The following LARP1B variants were observed in gnomAD, a reference collection of about 807,000 sequenced individuals.
LARP1B encodes the protein la-related protein 1B.
LARP1B carries 76 observed loss-of-function variants against 114.2 expected under a neutral mutation model. The observed-to-expected ratio is 0.67, with a 90% confidence interval of 0.55 to 0.81. LARP1B has a LOEUF of 0.81. LARP1B is among the 30% of genes least tolerant of loss of function. The probability of loss-of-function intolerance (pLI) is 0.00; values close to 1 mark genes in which losing one functional copy is unlikely to be tolerated. For missense variants in LARP1B, 1,014 were observed against 1,075.8 expected (o/e 0.94, Z 0.80); for synonymous variants, 345 against 348.0 (o/e 0.99, Z 0.10).
intron 11 of LARP1B, among the ~76,000 whole-genome samples, chr4:128,151,796 G>A (rs1240972305): frequency 6.6e-6 from 1 of 152,074 alleles, no homozygotes; most frequent in East Asian, 1.9e-4. Flanking sequence ...TAGAGACAAG[G>A]TTTCACCATG....
At position 128,176,500 on chromosome 4, in the gene LARP1B, G is replaced by C. The variant is rs529551900; in HGVS notation, c.1649-372G>C. Among the ~76,000 whole-genome samples the C allele has an allele frequency of 9.2e-5, 14 of 151,820 alleles. No individual in the cohort carries two copies. The East Asian group carries it at 2.7e-3, about 29-fold the overall frequency. On this transcript the variant is annotated intron_variant, in intron 12 of 19. Transcript: ENST00000326639. Reference sequence around the variant, plus strand: ...GTAGAGATGGGGTTTCACCACATTGGACAGGCTGGTCTCGAGCTGCTGACC... The same window carrying C: ...GTAGAGATGGGGTTTCACCACATTGCACAGGCTGGTCTCGAGCTGCTGACC...
Position 128,121,889 on chromosome 4 carries a change from G to A in LARP1B, c.1225G>A (p.Glu409Lys). Residue 409 changes from glutamate to lysine, a missense_variant, in exon 11 of 20, where the codon GAA (glutamate) becomes AAA (lysine). Coordinates refer to ENST00000326639, the MANE Select transcript of LARP1B (RefSeq NM_018078.4). ...ATGTTCTTCAGAAGAACCAGAACAA[G>A]AAGAACTTGATTTTTTGTTTGATGA... is the stretch of plus-strand genomic sequence containing the variant. Reference protein sequence around the residue: ...QLCSSEEPEQEELDFLFDEEI... With the variant: ...QLCSSEEPEQKELDFLFDEEI... 6.2e-7 allele frequency: 1 copy of A among 1,612,354 alleles called. No homozygotes were observed. The highest frequency in any genetic ancestry group is 1.1e-5 in the South Asian group (1 of 90,842).
chr4:128,083,143 AG>A, intron 5 of LARP1B, among the ~76,000 whole-genome samples: 1 of 152,240 alleles, frequency 6.6e-6, no homozygotes, highest in Admixed American at 6.5e-5. Flanking sequence ...GTAAGGTCAT[AG>A]ATCAACAGGA....
chr4:128,083,745 G>A (rs1298936843), intron 5 of LARP1B, among the ~76,000 whole-genome samples: 1 of 150,340 alleles, frequency 6.7e-6, no homozygotes, highest in Non-Finnish European at 1.5e-5. Flanking sequence ...CAGTAGGGGC[G>A]GCTGGGCAGA....
chr4:128,107,101 A>G lies in LARP1B; in HGVS notation c.814-38A>G, dbSNP rs1186758625. The G allele has an allele frequency of 3.2e-6, 5 of 1,551,962 alleles. No homozygotes were observed. In the African/African-American group the frequency reaches 6.8e-5, roughly 21 times the overall value. Reference sequence around the variant, plus strand: ...TTAGAAGTATAGCACAGACAGTGAAATAGCTCATAATTTTAATAGCTCAAT... The same window carrying G: ...TTAGAAGTATAGCACAGACAGTGAAGTAGCTCATAATTTTAATAGCTCAAT... On this transcript the variant is annotated intron_variant, in intron 8 of 19. Coordinates refer to ENST00000326639, the MANE Select transcript of LARP1B (RefSeq NM_018078.4).
At chr4:128,065,311 T>C (rs751636047) in intron 1 of LARP1B, among the ~76,000 whole-genome samples, 5,836 of 86,674 alleles carry the variant, frequency 0.067, 292 homozygotes, top group Non-Finnish European at 0.087. Context: ...CTTTCTTTCT[T>C]TCTTTCTCTC....
intron 1 of LARP1B, among the ~76,000 whole-genome samples, chr4:128,064,051 C>T (rs1176955993): frequency 1.3e-5 from 2 of 152,026 alleles, no homozygotes; most frequent in Admixed American, 1.3e-4. Context: ...GCGGGTGGAT[C>T]ACCTGAGGTC....
At chr4:128,185,596 G>A (rs1342496156) in intron 15 of LARP1B, among the ~76,000 whole-genome samples, 1 of 148,240 alleles carries the variant, frequency 6.7e-6, no homozygotes, top group Non-Finnish European at 1.5e-5. Flanking sequence ...GTCCTTTTTT[G>A]GATGGATAGT....
At chr4:128,140,925 G>C (rs1971933) in intron 11 of LARP1B, among the ~76,000 whole-genome samples, 89,167 of 150,812 alleles carry the variant, frequency 0.59, 27,489 homozygotes, top group Middle Eastern at 0.8. Context: ...AAGCGATTCT[G>C]CTGCCTCAGC....
chr4:128,179,635 A>G (rs575466133), intron 15 of LARP1B, 123 bp downstream of exon 15: 1 of 568,060 alleles, frequency 1.8e-6, no homozygotes, highest in African/African-American at 2.0e-5. Flanking sequence ...AGCAATGAAA[A>G]TGGTACAAAG....
In LARP1B at chr4:128,098,177, T is replaced by C. The variant is rs200119680; in HGVS notation, c.669-9T>C. The C allele has an allele frequency of 1.9e-6, 3 of 1,595,466 alleles. No homozygotes were observed. Among genetic ancestry groups the C allele is most frequent in the East Asian group, 4.5e-5 (2 of 44,694 alleles). On this transcript the variant is annotated splice_polypyrimidine_tract_variant and intron_variant, in intron 7 of 19. Coordinates refer to ENST00000326639, the MANE Select transcript of LARP1B (RefSeq NM_018078.4). Reference sequence around the variant, plus strand: ...AATAAATGGATGAAATTCTGATTTCTCTTTTCAGTGAATATTACTTCAGTG... The same window carrying C: ...AATAAATGGATGAAATTCTGATTTCCCTTTTCAGTGAATATTACTTCAGTG...
chr4:128,204,174 A>G lies in LARP1B; in HGVS notation c.2310-2254A>G, dbSNP rs1391136763. On this transcript the variant is annotated intron_variant, in intron 17 of 19. Transcript: ENST00000326639. ...AAGAATTTCTATATTCCTCTAAAAT[A>G]TGATTTACTTGATAAAAACCAAAAA... Among the ~76,000 whole-genome samples the G allele has an allele frequency of 3.3e-5, 5 of 152,304 alleles. No individual in the cohort carries two copies. In the East Asian group the frequency reaches 9.7e-4, roughly 29 times the overall value.
chr4:128,188,055 A>G (rs981390062), intron 15 of LARP1B, among the ~76,000 whole-genome samples: 5 of 151,140 alleles, frequency 3.3e-5, no homozygotes, highest in Non-Finnish European at 5.9e-5. Context: ...TCTTTCCTCT[A>G]TAATTTACCC....
chr4:128,194,352 G>A (rs761613859), intron 15 of LARP1B, among the ~76,000 whole-genome samples: 3 of 152,096 alleles, frequency 2.0e-5, no homozygotes, highest in African/African-American at 4.8e-5. Flanking sequence ...GATTACAAGT[G>A]TGAGTTACCG....
At chr4:128,081,296 T>A (rs1175879252) in intron 4 of LARP1B, among the ~76,000 whole-genome samples, 1 of 151,650 alleles carries the variant, frequency 6.6e-6, no homozygotes, top group Non-Finnish European at 1.5e-5. Context: ...CCAGGCTGGT[T>A]TTGAACTCCT....
chr4:128,123,225 C>G, intron 11 of LARP1B: 1 of 985,396 alleles, frequency 1.0e-6, no homozygotes, highest in Non-Finnish European at 1.2e-6. Flanking sequence ...GAGGACCTGC[C>G]TCAGGCTATG....
chr4:128,066,045 C>T (rs886822159), intron 1 of LARP1B, among the ~76,000 whole-genome samples: 1 of 151,818 alleles, frequency 6.6e-6, no homozygotes, highest in Non-Finnish European at 1.5e-5. Context: ...CTTTGTTGTC[C>T]AGGCTGGTCT....
chr4:128,205,362 G>A (rs1188512338), intron 17 of LARP1B, among the ~76,000 whole-genome samples: 2 of 152,172 alleles, frequency 1.3e-5, no homozygotes, highest in Non-Finnish European at 2.9e-5. Flanking sequence ...GTATCTTTTA[G>A]TTGAGTCAGC....
intron 11 of LARP1B, among the ~76,000 whole-genome samples, chr4:128,154,317 A>G (rs1230452302): frequency 6.6e-6 from 1 of 152,170 alleles, no homozygotes; most frequent in Non-Finnish European, 1.5e-5. Context: ...ATTATTTTCA[A>G]AGTAAATGAT....
Sources: gnomAD v4.1 joint callset for allele counts (sites outside exome capture counted in the v4.1 genomes callset) on GRCh38, gnomAD v4.1.1 for gene constraint, MANE v1.5 for transcripts, NCBI Gene and HGNC (gene_info 2026-07-23, HGNC 2026-07-21) for gene names.